The following TMEM145 variants were observed in gnomAD, a reference collection of about 807,000 sequenced individuals.
The protein encoded by TMEM145 is transmembrane protein 145.
In TMEM145, 46 loss-of-function variants were observed where a neutral mutation model predicts 68.5. The ratio of observed to expected loss-of-function variants is 0.67; its 90% CI spans 0.53 to 0.86. The LOEUF (loss-of-function observed/expected upper bound fraction) is 0.86. Among genes scored for constraint, TMEM145 ranks in the 40% least tolerant of loss-of-function variants. The pLI is 0.00. For synonymous variants in TMEM145, 255 were observed against 280.2 expected, an observed-to-expected ratio of 0.91 and a Z score of 0.90; for missense variants, 570 against 645.8, an observed-to-expected ratio of 0.88 and a Z score of 1.27.
chr19:42,324,793 C>G lies in TMEM145; in HGVS notation c.1458C>G (p.Pro486=). 6.4e-7 allele frequency: 1 copy of G among 1,569,370 alleles called. No homozygotes were observed. Among genetic ancestry groups the G allele is most frequent in the South Asian group, 1.2e-5 (1 of 86,396 alleles). The change falls in exon 15 of 15, where the codon CCC becomes CCG. Residue 486 remains proline (P), a synonymous_variant. Coordinates refer to ENST00000301204, the MANE Select transcript of TMEM145 (RefSeq NM_173633.3). ...SGLPLFRDLR[P]PGPLRDL ...TCCCGCTGTTCCGTGACCTCCGGCC[C>G]CCTGGCCCCCTTCGAGACCTCTGAC...
intron 11 of TMEM145, among the ~76,000 whole-genome samples, chr19:42,317,484 A>G (rs2038870405): frequency 6.6e-6 from 1 of 152,192 alleles, no homozygotes; most frequent in Non-Finnish European, 1.5e-5. Context: ...CTCACACATG[A>G]GAGGGGTTTA....
chr19:42,319,757 C>CT (rs111353949), intron 12 of TMEM145, among the ~76,000 whole-genome samples: 6,365 of 102,590 alleles, frequency 0.062, 262 homozygotes, highest in South Asian at 0.16. Context: ...CTGATTTCTT[C>CT]TTTTTTTTTT....
chr19:42,317,811 C>G lies in TMEM145; in HGVS notation c.1003C>G (p.Leu335Val), dbSNP rs754600264. The G allele has an allele frequency of 2.5e-6, 4 of 1,614,216 alleles. No homozygotes were observed. The highest frequency in any genetic ancestry group is 1.6e-4 in the Middle Eastern group (1 of 6,062). ...CTACGTGTGGTTCTGCTATGCTGTG[C>G]TTGTCTCACTGCGACACTTTCCTGA... ...AAYVWFCYAV[L>V]VSLRHFPEKQ... Residue 335 changes from leucine to valine, a missense_variant, in exon 12 of 15, where the codon CTT becomes GTT. By Grantham distance (32) the Leu-to-Val change is conservative. Coordinates refer to ENST00000301204, the MANE Select transcript of TMEM145 (RefSeq NM_173633.3).
chr19:42,324,217 T>A (rs926599933), intron 14 of TMEM145: 16 of 977,042 alleles, frequency 1.6e-5, no homozygotes, highest in Non-Finnish European at 1.9e-5. Flanking sequence ...GGACGGGCCT[T>A]CGGGGCCGCA....
In TMEM145 at chr19:42,317,900, C is replaced by G; in HGVS notation, c.1073+19C>G. ...CCCTCTGGTGAGAATTGGTGGGCCC[C>G]AGCCTGTCCCTGCCTCCCTCTCGGG... On this transcript the variant is annotated intron_variant, in intron 12 of 14. Transcript: ENST00000301204. 2 of 1,613,330 alleles carry G rather than the reference C, an allele frequency of 1.2e-6. No homozygotes were observed. Among genetic ancestry groups the G allele is most frequent in the Middle Eastern group, 1.7e-4 (1 of 6,046 alleles).
chr19:42,315,910 A>G (rs2038851887), intron 8 of TMEM145, among the ~76,000 whole-genome samples: 1 of 152,080 alleles, frequency 6.6e-6, no homozygotes, highest in Non-Finnish European at 1.5e-5. Flanking sequence ...TGTGCGTGTA[A>G]TCCCAGCTAC....
At position 42,317,783 on chromosome 19, in the gene TMEM145, G is replaced by A. The variant is rs758102911; in HGVS notation, c.975G>A (p.Ala325=). 3.1e-6 allele frequency: 5 copies of A among 1,614,174 alleles called. No individual in the cohort carries two copies. Among genetic ancestry groups the A allele is most frequent in the Non-Finnish European group, 2.5e-6 (3 of 1,180,028 alleles). The change falls in exon 12 of 15, where the codon GCG becomes GCA. Residue 325 remains alanine, a synonymous_variant. Transcript: ENST00000301204. Reference sequence around the variant, plus strand: ...ACGGGCTCATTGGACTGCAGGTGGCGGCCTACGTGTGGTTCTGCTATGCTG... The same window carrying A: ...ACGGGCTCATTGGACTGCAGGTGGCAGCCTACGTGTGGTTCTGCTATGCTG... ...AGYGLIGLQV[A]AYVWFCYAVL...
chr19:42,324,656 G>A, intron 14 of TMEM145, 81 bp from the exon 15 acceptor site: 1 of 1,203,002 alleles, frequency 8.3e-7, no homozygotes, highest in Non-Finnish European at 1.0e-6. Context: ...GCGCGCCCAG[G>A]TTGGGTACGC....
Position 42,324,993 on chromosome 19 carries a change from C to T in TMEM145, c.*176C>T, listed in dbSNP as rs2038958412. ...CCGCATCTCCATTCCGGGGGCCTTC[C>T]CTCGGGTCCCTGGCAGAAAGACATT... On this transcript the variant is annotated 3_prime_UTR_variant, in exon 15 of 15. Transcript: ENST00000301204. 12 of 1,081,648 alleles carry T rather than the reference C, an allele frequency of 1.1e-5. No individual in the cohort carries two copies. The highest frequency in any genetic ancestry group is 1.4e-5 in the Non-Finnish European group (12 of 839,224). 67.0% of individuals were successfully genotyped at this position (1,081,648 alleles called of 1,614,324 possible).
intron 8 of TMEM145, 45 bp downstream of exon 8, chr19:42,315,485 C>T: frequency 6.2e-7 from 1 of 1,602,978 alleles, no homozygotes; most frequent in Non-Finnish European, 8.5e-7. Flanking sequence ...AGAGAAGGCA[C>T]TTGGGGCCAG....
rs954880663 is a variant in TMEM145, at chr19:42,316,940, GTGC to G, written c.882_884del (p.Leu295del). 6.2e-7 allele frequency: 1 copy of G among 1,613,640 alleles called. No individual in the cohort carries two copies. The highest frequency in any genetic ancestry group is 8.5e-7 in the Non-Finnish European group (1 of 1,179,972). Reference sequence around the variant, plus strand: ...GACCCTGTACACGCTCACCCATGTGGTGCTGCTCATCTACGAGGCGGAAGTGAG... The same window carrying G: ...GACCCTGTACACGCTCACCCATGTGGTGCTCATCTACGAGGCGGAAGTGAG... On this transcript the variant is annotated inframe_deletion, in exon 11 of 15. Coordinates refer to ENST00000301204, the MANE Select transcript of TMEM145 (RefSeq NM_173633.3).
intron 11 of TMEM145, among the ~76,000 whole-genome samples, chr19:42,317,451 T>C (rs1265814345): frequency 6.6e-6 from 1 of 152,234 alleles, no homozygotes; most frequent in Non-Finnish European, 1.5e-5. Context: ...ACCTACCTCG[T>C]TGAGTAGATG....
At position 42,323,749 on chromosome 19, in the gene TMEM145, A is replaced by G; in HGVS notation, c.1361A>G (p.Asn454Ser). The G allele has an allele frequency of 5.0e-6, 8 of 1,614,118 alleles. No homozygotes were observed. Among genetic ancestry groups the G allele is most frequent in the Non-Finnish European group, 6.8e-6 (8 of 1,179,998 alleles). ...ACGTTTATCAGCGACTCGGTGCCCA[A>G]CTTCACGGAGCTCTTCTCCATCCCC... Reference protein sequence around the residue: ...NVTFISDSVPNFTELFSIPPP... With the variant: ...NVTFISDSVPSFTELFSIPPP... The change falls in exon 14 of 15, where the codon AAC becomes AGC. Residue 454 changes from asparagine (N) to serine (S), a missense_variant. Transcript: ENST00000301204.
rs1245519578 is a variant in TMEM145, at chr19:42,324,778, C to A, written c.1443C>A (p.Phe481Leu). 1.8e-5 allele frequency: 29 copies of A among 1,568,522 alleles called. No homozygotes were observed. The highest frequency in any genetic ancestry group is 2.3e-5 in the Non-Finnish European group (27 of 1,164,858). Residue 481 changes from phenylalanine (F) to leucine (L), a missense_variant, in exon 15 of 15, where the codon TTC becomes TTA. Physicochemically the swap from Phe to Leu is conservative, Grantham distance 22. Transcript: ENST00000301204. Reference sequence around the variant, plus strand: ...CGCCGGATTCTGGGCTCCCGCTGTTCCGTGACCTCCGGCCCCCTGGCCCCC... The same window carrying A: ...CGCCGGATTCTGGGCTCCCGCTGTTACGTGACCTCCGGCCCCCTGGCCCCC... ...RAAPDSGLPL[F>L]RDLRPPGPLR...
chr19:42,318,805 G>A (rs2038885035), intron 12 of TMEM145, among the ~76,000 whole-genome samples: 1 of 151,918 alleles, frequency 6.6e-6, no homozygotes, highest in South Asian at 2.1e-4. Flanking sequence ...TTGTAGACTG[G>A]GTGCGCTGGC....
intron 14 of TMEM145, 132 bp downstream of exon 14, chr19:42,323,921 C>T: frequency 1.3e-6 from 1 of 771,132 alleles, no homozygotes; most frequent in Non-Finnish European, 2.0e-6. Flanking sequence ...GCACTCCCCG[C>T]GCCCCAACAC....
Position 42,314,469 on chromosome 19 carries a change from ATCCTCC to A in TMEM145, c.217_222del (p.Leu73_Leu74del). 2 of 1,614,142 alleles carry A rather than the reference ATCCTCC, an allele frequency of 1.2e-6. No individual in the cohort carries two copies. Among genetic ancestry groups the A allele is most frequent in the Non-Finnish European group, 1.7e-6 (2 of 1,180,024 alleles). On this transcript the variant is annotated inframe_deletion, in exon 3 of 15. Transcript: ENST00000301204. ...TCTGCAGGCCAAGTGCTGTCAGAAC[ATCCTCC>A]TCTATTTTGATGACCCATCCCAGTG...
intron 12 of TMEM145, 63 bp downstream of exon 12, chr19:42,317,944 C>T (rs879014184): frequency 3.8e-6 from 6 of 1,577,786 alleles, no homozygotes; most frequent in South Asian, 3.4e-5. Context: ...GAAGTGGTTG[C>T]CCCCCATCTC....
intron 14 of TMEM145, 152 bp from the exon 15 acceptor site, chr19:42,324,585 C>T: frequency 7.3e-7 from 1 of 1,364,818 alleles, no homozygotes; most frequent in South Asian, 1.7e-5. Flanking sequence ...GGCTCCGGAC[C>T]CCTGCTTTAT....
Sources: gnomAD v4.1 joint callset for allele counts (sites outside exome capture counted in the v4.1 genomes callset) on GRCh38, gnomAD v4.1.1 for gene constraint, MANE v1.5 for transcripts, NCBI Gene and HGNC (gene_info 2026-07-23, HGNC 2026-07-21) for gene names.